IQGAP2: variants seen among roughly 807,000 people sequenced by gnomAD.
The protein encoded by IQGAP2 is ras GTPase-activating-like protein IQGAP2.
A neutral mutation model predicts 201.3 loss-of-function variants in IQGAP2; 173 were observed. The observed-to-expected ratio is 0.86, with a 90% CI of 0.76 to 0.98. IQGAP2 has a LOEUF of 0.98. Ranked by LOEUF, IQGAP2 falls within the 50% of genes least tolerant of loss-of-function variation. The pLI is 0.00. For synonymous variants in IQGAP2, 675 were observed against 673.9 expected, an observed-to-expected ratio of 1.00 and a Z score of -0.03; for missense variants, 1,687 against 1,864.8, an observed-to-expected ratio of 0.90 and a Z score of 1.76.
intron 5 of IQGAP2, among the ~76,000 whole-genome samples, chr5:76,586,688 G>C (rs62362016): frequency 0.15 from 23,486 of 152,202 alleles, 1,974 homozygotes; most frequent in Admixed American, 0.27. Flanking sequence ...CTTAGGTTTA[G>C]CTAAATATTC....
rs528674470 is a variant in IQGAP2, at chr5:76,627,933, G to T, written c.1612+433G>T. 2.0e-5 allele frequency among the ~76,000 whole-genome samples: 3 copies of T among 152,270 alleles called. No individual in the cohort carries two copies. In the East Asian group the frequency reaches 5.8e-4, roughly 29 times the overall value. ...GTGCAACTAGAAGTGAAATAGACTGGCAGTCTACTCAATTCTTACTTAATC... is the reference window on the plus strand; with the variant it reads ...GTGCAACTAGAAGTGAAATAGACTGTCAGTCTACTCAATTCTTACTTAATC... On this transcript the variant is annotated intron_variant, in intron 14 of 35. Transcript: ENST00000274364.
At chr5:76,672,287 G>A (rs1250901751) in intron 24 of IQGAP2, among the ~76,000 whole-genome samples, 2 of 151,264 alleles carry the variant, frequency 1.3e-5, no homozygotes, top group Admixed American at 6.6e-5. Context: ...CTGATAATAC[G>A]TACTTTTCTT....
intron 2 of IQGAP2, among the ~76,000 whole-genome samples, chr5:76,509,607 G>C (rs938543860): frequency 6.6e-6 from 1 of 152,012 alleles, no homozygotes; most frequent in Non-Finnish European, 1.5e-5. Flanking sequence ...TGTTAGCCAG[G>C]ATGGCCTCAA....
intron 1 of IQGAP2, among the ~76,000 whole-genome samples, chr5:76,415,565 A>G (rs944274874): frequency 6.6e-6 from 1 of 152,232 alleles, no homozygotes; most frequent in African/African-American, 2.4e-5. Context: ...CCAAGTGTGT[A>G]TGTGTGTACA....
At chr5:76,562,978 G>T (rs917679417) in intron 3 of IQGAP2, among the ~76,000 whole-genome samples, 2 of 152,190 alleles carry the variant, frequency 1.3e-5, no homozygotes, top group African/African-American at 2.4e-5. Flanking sequence ...AGCAAGATAC[G>T]ACTAACCACT....
chr5:76,676,091 A>G (rs866972325), intron 27 of IQGAP2, among the ~76,000 whole-genome samples: 4 of 148,542 alleles, frequency 2.7e-5, no homozygotes, highest in African/African-American at 1.0e-4. Context: ...ACACACACAC[A>G]CACACACACA....
chr5:76,598,643 G>T (rs1212332008), intron 10 of IQGAP2, among the ~76,000 whole-genome samples: 1 of 152,170 alleles, frequency 6.6e-6, no homozygotes, highest in Non-Finnish European at 1.5e-5. Context: ...TTTCTGCAGG[G>T]TGGTCTTAGT....
At chr5:76,632,325 T>G (rs1750778679) in intron 15 of IQGAP2, among the ~76,000 whole-genome samples, 5 of 152,222 alleles carry the variant, frequency 3.3e-5, no homozygotes, top group Admixed American at 3.3e-4. Context: ...ACCAGTGATA[T>G]AAACAGATGT....
chr5:76,623,932 C>T lies in IQGAP2; in HGVS notation c.1522-3478C>T, dbSNP rs939909929. On this transcript the variant is annotated intron_variant, in intron 13 of 35. Transcript: ENST00000274364. The stretch of plus-strand genomic sequence containing the variant: ...TCGCCGGGTGAGGATGGCGTTTGTT[C>T]AGGCTTTTTTTTTTTTTTTTGCCTT... 5.1e-5 allele frequency among the ~76,000 whole-genome samples: 4 copies of T among 78,736 alleles called. No homozygotes were observed. In the South Asian group the frequency reaches 2.0e-3, roughly 38 times the overall value. The allele number at this position is 78,736 out of a possible 152,430, so 51.7% of individuals were successfully genotyped here.
chr5:76,474,098 G>T lies in IQGAP2; in HGVS notation c.146+12429G>T, dbSNP rs959715948. 3.9e-5 allele frequency among the ~76,000 whole-genome samples: 6 copies of T among 152,298 alleles called. No individual in the cohort carries two copies. The East Asian group carries it at 1.2e-3, about 29-fold the overall frequency. ...TGAACACCTTTGTTTTTCTTTAACA[G>T]AGTCAAATCCCCATTTCATATATGG... On this transcript the variant is annotated intron_variant, in intron 2 of 35. Coordinates refer to ENST00000274364, the MANE Select transcript of IQGAP2 (RefSeq NM_006633.5).
intron 1 of IQGAP2, among the ~76,000 whole-genome samples, chr5:76,461,046 T>A (rs1449109774): frequency 6.6e-6 from 1 of 151,542 alleles, no homozygotes; most frequent in East Asian, 2.0e-4. Flanking sequence ...ACCTGGCTAA[T>A]TTTTTGTATT....
chr5:76,707,167 G>C, intron 35 of IQGAP2, 33 bp from the exon 36 acceptor site: 1 of 964,714 alleles, frequency 1.0e-6, no homozygotes, highest in Non-Finnish European at 1.7e-6. Flanking sequence ...AAATGTCAAA[G>C]TTGAGATTTA....
intron 23 of IQGAP2, among the ~76,000 whole-genome samples, chr5:76,671,115 G>A (rs1273309826): frequency 2.0e-5 from 3 of 151,806 alleles, no homozygotes; most frequent in Admixed American, 6.6e-5. Flanking sequence ...ACAAAAATTA[G>A]CTGGGCATGG....
rs79956789 is a variant in IQGAP2, at chr5:76,411,117, C to T, written c.46+7526C>T. Among the ~76,000 whole-genome samples, 67 of 152,270 alleles carry T rather than the reference C, an allele frequency of 4.4e-4. No homozygotes were observed. In the East Asian group the frequency reaches 0.012, roughly 27 times the overall value. ...ACCTGCCAAATCAGAAAGCCTGTGA[C>T]GGGGTCTGCAGTCTGAGTTTTAATA... On this transcript the variant is annotated intron_variant, in intron 1 of 35. Transcript: ENST00000274364.
intron 2 of IQGAP2, among the ~76,000 whole-genome samples, chr5:76,557,629 A>G (rs899562917): frequency 2.0e-5 from 3 of 152,220 alleles, no homozygotes; most frequent in East Asian, 1.9e-4. Context: ...TTTCATAACC[A>G]TATGTTAAGT....
At position 76,673,546 on chromosome 5, in the gene IQGAP2, G is replaced by A. The variant is rs145945229; in HGVS notation, c.3166G>A (p.Asp1056Asn). ...CATTGAGAACCTGAGAAGGGTCACC[G>A]ACAAAGTCCTGAATTCTATCATTTC... ...ASIENLRRVT[D>N]KVLNSIISSL... Residue 1056 changes from aspartate (D) to asparagine (N), a missense_variant, in exon 25 of 36, where the codon GAC becomes AAC. Coordinates refer to ENST00000274364, the MANE Select transcript of IQGAP2 (RefSeq NM_006633.5). 83 of 1,613,876 alleles carry A rather than the reference G, an allele frequency of 5.1e-5. No homozygotes were observed. Among genetic ancestry groups the A allele is most frequent in the African/African-American group, 3.3e-4 (25 of 74,886 alleles).
At chr5:76,530,392 C>T (rs944878974) in intron 2 of IQGAP2, among the ~76,000 whole-genome samples, 3 of 152,146 alleles carry the variant, frequency 2.0e-5, no homozygotes, top group African/African-American at 7.2e-5. Context: ...AGAAAGTTTA[C>T]CCAGCGTTTT....
intron 2 of IQGAP2, among the ~76,000 whole-genome samples, chr5:76,560,454 G>C (rs1219968864): frequency 6.6e-6 from 1 of 152,104 alleles, no homozygotes; most frequent in Admixed American, 6.5e-5. Context: ...ATAGCGCCCA[G>C]TGTAACTTGT....
intron 2 of IQGAP2, among the ~76,000 whole-genome samples, chr5:76,523,167 C>T (rs1375039472): frequency 6.8e-6 from 1 of 147,598 alleles, no homozygotes; most frequent in Non-Finnish European, 1.5e-5. Context: ...TTACTGCAGC[C>T]TCAACCTCCC....
Sources: gnomAD v4.1 joint callset for allele counts (sites outside exome capture counted in the v4.1 genomes callset) on GRCh38, gnomAD v4.1.1 for gene constraint, MANE v1.5 for transcripts, NCBI Gene and HGNC (gene_info 2026-07-23, HGNC 2026-07-21) for gene names.